Variants in MIS18BP1 observed in about 807,000 individuals in gnomAD.
MIS18BP1 encodes the protein MIS18 binding protein 1.
A neutral mutation model predicts 116.1 loss-of-function variants in MIS18BP1; 72 were observed. The ratio of observed to expected loss-of-function variants is 0.62; its 90% CI spans 0.51 to 0.75. MIS18BP1 has a LOEUF of 0.75. Among genes scored for constraint, MIS18BP1 ranks in the 30% least tolerant of loss-of-function variants. The pLI is 0.00. For synonymous variants in MIS18BP1, 386 were observed against 427.0 expected, an observed-to-expected ratio of 0.90 and a Z score of 1.18; for missense variants, 1,363 against 1,303.2, an observed-to-expected ratio of 1.05 and a Z score of -0.71.
rs80111187 is a variant in MIS18BP1, at chr14:45,236,586, A to G, written c.1218-642T>C. On this transcript the variant is annotated intron_variant, in intron 5 of 16. Transcript: ENST00000310806. ...AATAATAAACATACTGATGATAAGC[A>G]TGACGAATAAGGAAATCAAGTTACT... Among the ~76,000 whole-genome samples, 1,019 of 152,334 alleles carry G rather than the reference A, an allele frequency of 6.7e-3. 25 individuals are homozygous for G. The highest frequency in any genetic ancestry group is 0.05 in the East Asian group (259 of 5,190).
At chr14:45,233,869 T>G (rs530066805) in intron 6 of MIS18BP1, among the ~76,000 whole-genome samples, 1 of 152,270 alleles carries the variant, frequency 6.6e-6, no homozygotes, top group Admixed American at 6.5e-5. Flanking sequence ...GAAAATGAAT[T>G]GGGTACTAAG....
At chr14:45,211,135 T>C (rs1459304201) in intron 13 of MIS18BP1, among the ~76,000 whole-genome samples, 1 of 152,200 alleles carries the variant, frequency 6.6e-6, no homozygotes. Flanking sequence ...AATGTGAACC[T>C]CCGTTTCTTT....
At chr14:45,214,637 C>CGTCCCACCT (rs1566804364) in intron 13 of MIS18BP1, among the ~76,000 whole-genome samples, 1 of 152,178 alleles carries the variant, frequency 6.6e-6, no homozygotes, top group Non-Finnish European at 1.5e-5. Flanking sequence ...CCCAGTCTGT[C>CGTCCCACCT]GTCCCACCTG....
Position 45,223,976 on chromosome 14 carries a change from A to G in MIS18BP1, c.2611T>C (p.Leu871=). Residue 871 remains leucine (L), a synonymous_variant, in exon 11 of 17, where the codon TTA becomes CTA. Transcript: ENST00000310806. ...TCCTTATCCTGAATTAAACCAGGTAAGCATTCTAAGGGATGCCTATTTGTC... is the reference window on the plus strand; with the variant it reads ...TCCTTATCCTGAATTAAACCAGGTAGGCATTCTAAGGGATGCCTATTTGTC... ...DKTNRHPLEC[L]PGLIQDKEWN... The G allele has an allele frequency of 6.2e-7, 1 of 1,606,768 alleles. No individual in the cohort carries two copies. Among genetic ancestry groups the G allele is most frequent in the Middle Eastern group, 1.7e-4 (1 of 6,014 alleles).
intron 1 of MIS18BP1, 67 bp from the exon 2 acceptor site, chr14:45,247,444 T>C (rs993718775): frequency 3.5e-6 from 2 of 574,276 alleles, no homozygotes; most frequent in African/African-American, 3.8e-5. Flanking sequence ...GTTTATTTGC[T>C]TTCCACAACA....
intron 13 of MIS18BP1, among the ~76,000 whole-genome samples, chr14:45,211,168 T>A (rs1290519525): frequency 5.9e-5 from 9 of 152,216 alleles, no homozygotes; most frequent in Non-Finnish European, 1.5e-5. Flanking sequence ...CTCCCATGCC[T>A]TATGCACATG....
intron 14 of MIS18BP1, chr14:45,210,031 T>C (rs1283074924): frequency 1.2e-5 from 2 of 163,364 alleles, no homozygotes; most frequent in Non-Finnish European, 2.6e-5. Context: ...TTTTCATTAA[T>C]GGCTTGTAGG....
At chr14:45,213,444 AAT>A (rs1890730233) in intron 13 of MIS18BP1, among the ~76,000 whole-genome samples, 1 of 152,180 alleles carries the variant, frequency 6.6e-6, no homozygotes, top group African/African-American at 2.4e-5. Context: ...TAAAAGACTT[AAT>A]TTCTCTTGTG....
chr14:45,213,058 A>AT (rs1339354057), intron 13 of MIS18BP1, among the ~76,000 whole-genome samples: 1 of 152,180 alleles, frequency 6.6e-6, no homozygotes, highest in Non-Finnish European at 1.5e-5. Context: ...TTTTTAAAAA[A>AT]TTTTTATAAG....
intron 14 of MIS18BP1, 161 bp downstream of exon 14, chr14:45,210,219 T>A: frequency 1.5e-6 from 1 of 672,292 alleles, no homozygotes; most frequent in Non-Finnish European, 2.4e-6. Context: ...GCACCCCGAT[T>A]TGATGAACTT....
intron 11 of MIS18BP1, among the ~76,000 whole-genome samples, chr14:45,223,674 G>T (rs1891036916): frequency 6.6e-6 from 1 of 152,154 alleles, no homozygotes; most frequent in Admixed American, 6.5e-5. Context: ...TATTACATGG[G>T]AATGAAAAGG....
At position 45,224,677 on chromosome 14, in the gene MIS18BP1, T is replaced by C. The variant is rs765996943; in HGVS notation, c.1910A>G (p.Glu637Gly). 1.2e-6 allele frequency: 2 copies of C among 1,611,264 alleles called. No homozygotes were observed. The highest frequency in any genetic ancestry group is 1.7e-6 in the Non-Finnish European group (2 of 1,179,296). The stretch of plus-strand genomic sequence containing the variant: ...CTGATTGATGGCCATGTATTTTCTT[T>C]CTTCATCTGAGAAAAACTGTTCCCT... The part of the protein sequence containing the change: ...TSREQFFSDE[E>G]RKYMAINQKK... Residue 637 changes from glutamate to glycine, a missense_variant, in exon 11 of 17, where the codon GAA (glutamate) becomes GGA (glycine). Coordinates refer to ENST00000310806, the MANE Select transcript of MIS18BP1 (RefSeq NM_018353.5).
At chr14:45,204,274 AAAC>A (rs1414664512) in intron 16 of MIS18BP1, 62 bp from the exon 17 acceptor site, 7 of 1,541,666 alleles carry the variant, frequency 4.5e-6, no homozygotes, top group Middle Eastern at 1.9e-4. Context: ...ATAAAACTGA[AAAC>A]AACTATAAGG....
Position 45,206,155 on chromosome 14 carries a change from T to C in MIS18BP1, c.3168A>G (p.Lys1056=), listed in dbSNP as rs1186921826. ...GATATTTTTGCATACGAAAAACATA[T>C]TTATCACAGTCATTCCTGTTTGAAT... ...LGSINRNDCD[K]YVFRMQKYHK... The change falls in exon 15 of 17, where the codon AAA becomes AAG. Residue 1056 remains lysine, a synonymous_variant. Coordinates refer to ENST00000310806, the MANE Select transcript of MIS18BP1 (RefSeq NM_018353.5). 6.2e-7 allele frequency: 1 copy of C among 1,602,686 alleles called. No homozygotes were observed. The highest frequency in any genetic ancestry group is 8.5e-7 in the Non-Finnish European group (1 of 1,171,048).
chr14:45,245,608 C>A (rs542516472), intron 2 of MIS18BP1, among the ~76,000 whole-genome samples: 1 of 152,286 alleles, frequency 6.6e-6, no homozygotes, highest in East Asian at 1.9e-4. Flanking sequence ...AGGTGATCCA[C>A]TTGCCTCGGC....
rs751621506 is a variant in MIS18BP1, at chr14:45,226,801, T to C, written c.1782A>G (p.Ser594=). 10 of 1,413,778 alleles carry C rather than the reference T, an allele frequency of 7.1e-6. No individual in the cohort carries two copies. In the Admixed American group the frequency reaches 2.9e-4, roughly 42 times the overall value. The allele number at this position is 1,413,778 out of a possible 1,614,324, so 87.6% of individuals were successfully genotyped here. ...TTCTTTCACCAATTTTTAGTTTCTT[T>C]GAAGACATTTTATATTCTTTTTTTC... is the stretch of plus-strand genomic sequence containing the variant. ...LIGKKEYKMS[S]KKLKIGERTN... The change falls in exon 10 of 17, where the codon TCA becomes TCG. Residue 594 remains serine (S), a synonymous_variant. Transcript: ENST00000310806.
At chr14:45,238,722 G>A (rs1310813167) in intron 4 of MIS18BP1, among the ~76,000 whole-genome samples, 1 of 152,176 alleles carries the variant, frequency 6.6e-6, no homozygotes, top group East Asian at 1.9e-4. Context: ...CTACTGGAGA[G>A]GCAGAGGTGG....
intron 4 of MIS18BP1, among the ~76,000 whole-genome samples, chr14:45,239,491 C>A (rs1891517835): frequency 6.6e-6 from 1 of 152,072 alleles, no homozygotes; most frequent in Non-Finnish European, 1.5e-5. Context: ...AGGTAGGCAG[C>A]ATGGAAGGCA....
At chr14:45,229,658 T>A (rs1284907069) in intron 8 of MIS18BP1, among the ~76,000 whole-genome samples, 1 of 152,150 alleles carries the variant, frequency 6.6e-6, no homozygotes, top group East Asian at 1.9e-4. Context: ...TAAGATCAAA[T>A]CCCTAATAAG....
Sources: gnomAD v4.1 joint callset for allele counts (sites outside exome capture counted in the v4.1 genomes callset) on GRCh38, gnomAD v4.1.1 for gene constraint, MANE v1.5 for transcripts, NCBI Gene and HGNC (gene_info 2026-07-23, HGNC 2026-07-21) for gene names.